The following SERPINF1 variants were observed in gnomAD, a reference collection of about 807,000 sequenced individuals.
SERPINF1 encodes the protein serpin family F member 1.
SERPINF1 carries 29 observed loss-of-function variants against 37.3 expected under a neutral mutation model. That is an observed-to-expected ratio of 0.78 (90% CI 0.58 to 1.06). The LOEUF (loss-of-function observed/expected upper bound fraction) is 1.06, where lower values mean the gene tolerates loss of function less well. Among genes scored for constraint, SERPINF1 ranks in the 50% least tolerant of loss-of-function variants. The probability of loss-of-function intolerance (pLI) is 0.00; values close to 1 mark genes in which losing one functional copy is unlikely to be tolerated. For missense variants in SERPINF1, 553 were observed against 532.2 expected (o/e 1.04, Z -0.38); for synonymous variants, 281 against 227.9 (o/e 1.23, Z -2.10).
In SERPINF1 at chr17:1,777,529, G is replaced by A; in HGVS notation, c.*83G>A. On this transcript the variant is annotated 3_prime_UTR_variant, in exon 8 of 8. Coordinates refer to ENST00000254722, the MANE Select transcript of SERPINF1 (RefSeq NM_002615.7). ...CAGGACACGAAGGCTGCCCCTGTAA[G>A]GTTTCAATGCATACAATAAAAGAGC... The A allele has an allele frequency of 6.5e-7, 1 of 1,539,442 alleles. No homozygotes were observed. The highest frequency in any genetic ancestry group is 9.0e-7 in the Non-Finnish European group (1 of 1,115,234).
At chr17:1,769,711 T>C in intron 2 of SERPINF1, 141 bp from the exon 3 acceptor site, 1 of 892,060 alleles carries the variant, frequency 1.1e-6, no homozygotes, top group Non-Finnish European at 1.9e-6. Flanking sequence ...TCATTCCCGT[T>C]TTAGGCCAAA....
In SERPINF1 at chr17:1,776,585, G is replaced by T. The variant is rs200114659; in HGVS notation, c.840G>T (p.Leu280=). 1.2e-4 allele frequency: 190 copies of T among 1,614,016 alleles called. 2 individuals carry two copies. In the South Asian group the frequency reaches 2.0e-3, roughly 17 times the overall value. The change falls in exon 7 of 8, where the codon CTG becomes CTT. Residue 280 remains leucine, a synonymous_variant. Coordinates refer to ENST00000254722, the MANE Select transcript of SERPINF1 (RefSeq NM_002615.7). ...TGAGTATCATCTTCTTCCTGCCCCT[G>T]AAAGTGACCCAGAATTTGACCTTGA... is the stretch of plus-strand genomic sequence containing the variant. ...GSMSIIFFLP[L]KVTQNLTLIE... is the part of the protein sequence containing the mutation.
intron 1 of SERPINF1, 61 bp from the exon 2 acceptor site, chr17:1,766,842 G>C (rs1907410163): frequency 6.7e-7 from 1 of 1,487,804 alleles, no homozygotes; most frequent in African/African-American, 1.4e-5. Context: ...GGCCAGGAAG[G>C]GGTAGCGGGG....
intron 5 of SERPINF1, among the ~76,000 whole-genome samples, chr17:1,772,935 C>G (rs1314844695): frequency 6.6e-6 from 1 of 152,202 alleles, no homozygotes; most frequent in East Asian, 1.9e-4. Flanking sequence ...ATCCTCCCAC[C>G]TCGGCCTCCC....
At chr17:1,768,841 T>C (rs1347544173) in intron 2 of SERPINF1, among the ~76,000 whole-genome samples, 1 of 151,086 alleles carries the variant, frequency 6.6e-6, no homozygotes, top group Non-Finnish European at 1.5e-5. Flanking sequence ...GGTCTCACTC[T>C]GTCACCCAGG....
intron 5 of SERPINF1, among the ~76,000 whole-genome samples, chr17:1,773,217 G>C (rs769946706): frequency 6.6e-6 from 1 of 152,088 alleles, no homozygotes; most frequent in African/African-American, 2.4e-5. Context: ...GGTCTGTTTG[G>C]GGCTTTCCCA....
chr17:1,770,155 G>T lies in SERPINF1; in HGVS notation c.283+105G>T, dbSNP rs183323774. 1.1e-4 allele frequency: 136 copies of T among 1,286,432 alleles called. No individual in the cohort carries two copies. In the Admixed American group the frequency reaches 2.6e-3, roughly 25 times the overall value. 79.7% of individuals were successfully genotyped at this position (1,286,432 alleles called of 1,614,324 possible). On this transcript the variant is annotated intron_variant, in intron 3 of 7. Transcript: ENST00000254722. The stretch of plus-strand genomic sequence containing the variant: ...TTGACATTTCAGTTCAGCGAGGGGT[G>T]AAGTAGCACCAGGGGCCTGGCCTGG...
At chr17:1,775,307 A>G in intron 6 of SERPINF1, 107 bp downstream of exon 6, 1 of 1,157,168 alleles carries the variant, frequency 8.6e-7, no homozygotes, top group South Asian at 1.5e-5. Context: ...AGCTGTCTAC[A>G]TGTCGCCTGC....
At chr17:1,767,058 G>C in intron 2 of SERPINF1, 64 bp downstream of exon 2, 1 of 1,435,708 alleles carries the variant, frequency 7.0e-7, no homozygotes, top group Non-Finnish European at 9.5e-7. Context: ...GGCAGCACGG[G>C]AAACAGGACA....
At chr17:1,776,994 C>G (rs565832228) in intron 7 of SERPINF1, among the ~76,000 whole-genome samples, 193 bp from the exon 8 acceptor site, 1 of 151,766 alleles carries the variant, frequency 6.6e-6, no homozygotes, top group East Asian at 2.0e-4. Flanking sequence ...TCTGTCTGAC[C>G]TGTTTTCTCA....
chr17:1,767,609 C>A (rs1319048701), intron 2 of SERPINF1, among the ~76,000 whole-genome samples: 3 of 152,206 alleles, frequency 2.0e-5, no homozygotes, highest in Non-Finnish European at 2.9e-5. Flanking sequence ...CAGATACAGG[C>A]ACATGGAGGG....
rs1007553434 is a variant in SERPINF1 at position 1,777,385 on chromosome 17, G to C, written c.1196G>C (p.Arg399Thr). The C allele has an allele frequency of 1.8e-5, 29 of 1,614,074 alleles. No homozygotes were observed. Among genetic ancestry groups the C allele is most frequent in the Non-Finnish European group, 2.5e-5 (29 of 1,180,028 alleles). The stretch of plus-strand genomic sequence containing the variant: ...AACCAGCCTTTCATCTTCGTACTGA[G>C]GGACACAGACACAGGGGCCCTTCTC... ...HLNQPFIFVL[R>T]DTDTGALLFI... The change falls in exon 8 of 8, where the codon AGG (arginine) becomes ACG (threonine). Residue 399 changes from arginine (R) to threonine (T), a missense_variant. Physicochemically the swap from Arg to Thr is moderately conservative, Grantham distance 71. Transcript: ENST00000254722.
At chr17:1,772,365 C>T (rs1907802021) in intron 5 of SERPINF1, among the ~76,000 whole-genome samples, 1 of 152,080 alleles carries the variant, frequency 6.6e-6, no homozygotes, top group South Asian at 2.1e-4. Flanking sequence ...GTCTGCCCGC[C>T]TCAGCCTCCC....
At chr17:1,772,581 CAG>C (rs1567755890) in intron 5 of SERPINF1, among the ~76,000 whole-genome samples, 1 of 133,760 alleles carries the variant, frequency 7.5e-6, no homozygotes, top group African/African-American at 2.8e-5. Flanking sequence ...TTTTTTGAGA[CAG>C]AGTCTTGCTC....
At chr17:1,766,843 G>A in intron 1 of SERPINF1, 60 bp from the exon 2 acceptor site, 2 of 1,491,300 alleles carry the variant, frequency 1.3e-6, no homozygotes, top group South Asian at 2.4e-5. Context: ...GCCAGGAAGG[G>A]GTAGCGGGGC....
intron 5 of SERPINF1, among the ~76,000 whole-genome samples, chr17:1,774,028 C>G (rs985548039): frequency 6.6e-6 from 1 of 152,146 alleles, no homozygotes; most frequent in Non-Finnish European, 1.5e-5. Context: ...GGGGCTTGGC[C>G]ATCAGCTGGC....
intron 1 of SERPINF1, among the ~76,000 whole-genome samples, chr17:1,765,755 G>T (rs918914075): frequency 1.1e-4 from 17 of 151,968 alleles, no homozygotes; most frequent in Non-Finnish European, 1.8e-4. Context: ...TACTCACGAG[G>T]CTGAGGCAGG....
chr17:1,777,139 T>A, intron 7 of SERPINF1, 48 bp from the exon 8 acceptor site: 1 of 1,613,182 alleles, frequency 6.2e-7, no homozygotes, highest in Non-Finnish European at 8.5e-7. Flanking sequence ...TTGGTTGGGG[T>A]GTTGGGGAAG....
rs888781736 is a variant in SERPINF1 at position 1,770,591 on chromosome 17, C to T, written c.284-438C>T. On this transcript the variant is annotated intron_variant, in intron 3 of 7. Coordinates refer to ENST00000254722, the MANE Select transcript of SERPINF1 (RefSeq NM_002615.7). ...TCTCCTGCCTCAGCCTCCAGAGTAG[C>T]TGGGATTACAGGCACCTGCCATCAT... 3.9e-5 allele frequency: 10 copies of T among 253,368 alleles called. No individual in the cohort carries two copies. The East Asian group carries it at 9.4e-4, about 24-fold the overall frequency. The allele number at this position is 253,368 out of a possible 1,614,324, so 15.7% of individuals were successfully genotyped here.
Sources: gnomAD v4.1 joint callset for allele counts (sites outside exome capture counted in the v4.1 genomes callset) on GRCh38, gnomAD v4.1.1 for gene constraint, MANE v1.5 for transcripts, NCBI Gene and HGNC (gene_info 2026-07-23, HGNC 2026-07-21) for gene names.